BABAM2: variants seen among roughly 807,000 people sequenced by gnomAD.
The protein encoded by BABAM2 is BRISC and BRCA1-A complex member 2.
BABAM2 carries 31 observed loss-of-function variants against 54.7 expected under a neutral mutation model. That is an observed-to-expected ratio of 0.57 (90% CI 0.43 to 0.77). The LOEUF (loss-of-function observed/expected upper bound fraction) is 0.77, where lower values mean the gene tolerates loss of function less well. BABAM2 is among the 30% of genes least tolerant of loss of function. The pLI, the probability that BABAM2 is intolerant of heterozygous loss-of-function variation, is 0.00. For missense variants in BABAM2, 364 were observed against 455.8 expected (o/e 0.80, Z 1.83); for synonymous variants, 167 against 162.9 (o/e 1.03, Z -0.19).
At chr2:27,916,291 A>G (rs1421028403) in intron 2 of BABAM2, among the ~76,000 whole-genome samples, 1 of 152,252 alleles carries the variant, frequency 6.6e-6, no homozygotes, top group Admixed American at 6.5e-5. Flanking sequence ...TAAAAAGTTT[A>G]CAGGAATATT....
At chr2:28,061,380 T>G (rs1200921025) in intron 6 of BABAM2, among the ~76,000 whole-genome samples, 2 of 151,818 alleles carry the variant, frequency 1.3e-5, no homozygotes, top group African/African-American at 4.8e-5. Flanking sequence ...GGTCAGGAGA[T>G]AGCGACCATC....
chr2:27,959,599 T>C (rs1201738778), intron 3 of BABAM2, among the ~76,000 whole-genome samples: 2 of 152,156 alleles, frequency 1.3e-5, no homozygotes, highest in African/African-American at 4.8e-5. Flanking sequence ...TCTGAGATGT[T>C]GTGACTTGTG....
Position 27,995,153 on chromosome 2 carries a change from C to T in BABAM2, c.300+7066C>T, listed in dbSNP as rs1247655371. 2.6e-5 allele frequency among the ~76,000 whole-genome samples: 4 copies of T among 152,138 alleles called. No homozygotes were observed. The highest frequency in any genetic ancestry group is 5.9e-5 in the Non-Finnish European group (4 of 68,024). On this transcript the variant is annotated intron_variant, in intron 4 of 11. Transcript: ENST00000379624. The surrounding 1 kb of genome is among the most constrained non-coding windows in gnomAD (Gnocchi z 4.1). ...GGCTACGGGAAGATGAAGACCTTCA[C>T]TGGGGTGCTGTGGGCCAGAATTGGT...
chr2:27,953,757 A>G (rs567102533), intron 3 of BABAM2, among the ~76,000 whole-genome samples: 44 of 152,326 alleles, frequency 2.9e-4, no homozygotes, highest in Non-Finnish European at 5.3e-4. Flanking sequence ...GAAAATTAAA[A>G]CCATTAAAAA....
chr2:28,289,530 C>A (rs1167990332), intron 10 of BABAM2, among the ~76,000 whole-genome samples: 1 of 152,166 alleles, frequency 6.6e-6, no homozygotes, highest in Non-Finnish European at 1.5e-5. Context: ...AGGCTCATGC[C>A]TGTAATCCCA....
At chr2:28,294,776 G>A (rs962515045) in intron 10 of BABAM2, among the ~76,000 whole-genome samples, 3 of 152,158 alleles carry the variant, frequency 2.0e-5, no homozygotes, top group African/African-American at 7.2e-5. Context: ...GCTTAGTTAA[G>A]TTGAGCAAGA....
chr2:27,921,792 G>T (rs970792980), intron 2 of BABAM2, among the ~76,000 whole-genome samples: 1 of 152,166 alleles, frequency 6.6e-6, no homozygotes, highest in Non-Finnish European at 1.5e-5. Flanking sequence ...ATAACTTAAA[G>T]TTTAAATTCT....
intron 2 of BABAM2, among the ~76,000 whole-genome samples, chr2:27,898,672 G>T (rs1665534002): frequency 6.6e-6 from 1 of 152,182 alleles, no homozygotes; most frequent in African/African-American, 2.4e-5. Flanking sequence ...TGTGCTAAGT[G>T]AGAGAAGCTC....
At chr2:28,276,301 A>G (rs2148179558) in intron 10 of BABAM2, among the ~76,000 whole-genome samples, 1 of 152,278 alleles carries the variant, frequency 6.6e-6, no homozygotes, top group Admixed American at 6.5e-5. Flanking sequence ...TCAGAATTTT[A>G]CAGATGTGAG....
intron 11 of BABAM2, among the ~76,000 whole-genome samples, chr2:28,314,233 TAAC>T (rs1215560958): frequency 6.6e-6 from 1 of 152,216 alleles, no homozygotes; most frequent in Non-Finnish European, 1.5e-5. Flanking sequence ...GTAATTCTCG[TAAC>T]AACCTTATGA....
Position 28,016,428 on chromosome 2 carries a change from A to C in BABAM2, c.301-8798A>C, listed in dbSNP as rs149429430. ...CCTGAAGACTGGATTGGACCCCTTG[A>C]TCTCGCCATTGCTGTTGGGTTCATA... On this transcript the variant is annotated intron_variant, in intron 4 of 11. Coordinates refer to ENST00000379624, the MANE Select transcript of BABAM2 (RefSeq NM_199191.3). The C allele has an allele frequency of 9.9e-5, 139 of 1,404,460 alleles. No homozygotes were observed. The African/African-American group carries it at 1.9e-3, about 19-fold the overall frequency. 87.0% of individuals were successfully genotyped at this position (1,404,460 alleles called of 1,614,324 possible).
chr2:27,900,159 C>T (rs1176896149), intron 2 of BABAM2, among the ~76,000 whole-genome samples: 1 of 152,170 alleles, frequency 6.6e-6, no homozygotes, highest in Non-Finnish European at 1.5e-5. Flanking sequence ...GTAGGATCTA[C>T]ATGTCTAATT....
chr2:28,069,247 G>A (rs1663902285), intron 6 of BABAM2, among the ~76,000 whole-genome samples: 5 of 152,004 alleles, frequency 3.3e-5, no homozygotes, highest in Admixed American at 3.3e-4. Flanking sequence ...TTACTTACTT[G>A]GTATTAGGAA....
chr2:28,198,502 CA>C (rs1223124441), intron 7 of BABAM2, among the ~76,000 whole-genome samples: 20 of 152,116 alleles, frequency 1.3e-4, no homozygotes, highest in Non-Finnish European at 2.6e-4. Flanking sequence ...CCTGGATTTA[CA>C]ATGATCAGAA....
chr2:28,299,469 G>A (rs115322358), intron 11 of BABAM2, among the ~76,000 whole-genome samples: 1 of 152,200 alleles, frequency 6.6e-6, no homozygotes, highest in Non-Finnish European at 1.5e-5. Context: ...TAACTTTATC[G>A]CTTGGAACAG....
intron 7 of BABAM2, among the ~76,000 whole-genome samples, chr2:28,178,208 A>C (rs1224084859): frequency 6.6e-6 from 1 of 152,124 alleles, no homozygotes; most frequent in African/African-American, 2.4e-5. Flanking sequence ...CATTCTTCTC[A>C]ACAGCACATG....
chr2:28,262,819 C>G (rs1337355125), intron 10 of BABAM2, among the ~76,000 whole-genome samples: 1 of 152,098 alleles, frequency 6.6e-6, no homozygotes, highest in African/African-American at 2.4e-5. Context: ...GTCCCCAGTC[C>G]AGATGATGCT....
chr2:28,061,547 T>C (rs1268905445), intron 6 of BABAM2, among the ~76,000 whole-genome samples: 1 of 135,916 alleles, frequency 7.4e-6, no homozygotes, highest in East Asian at 2.1e-4. Flanking sequence ...ATTGTGCCAC[T>C]GCACTCCAGC....
chr2:27,999,079 C>A (rs1242671639), intron 4 of BABAM2, among the ~76,000 whole-genome samples: 1 of 152,000 alleles, frequency 6.6e-6, no homozygotes, highest in Non-Finnish European at 1.5e-5. Context: ...ACCTTTTTGT[C>A]TTCTGTACAT....
Sources: gnomAD v4.1 joint callset for allele counts (sites outside exome capture counted in the v4.1 genomes callset) on GRCh38, gnomAD v4.1.1 for gene constraint, Gnocchi (gnomAD v3.1) non-coding constraint, MANE v1.5 for transcripts, NCBI Gene and HGNC (gene_info 2026-07-23, HGNC 2026-07-21) for gene names.